Variants in KCNT2 observed in about 807,000 individuals in gnomAD.
KCNT2 encodes the protein potassium sodium-activated channel subfamily T member 2.
KCNT2 carries 67 observed loss-of-function variants against 153.8 expected under a neutral mutation model. That is an observed-to-expected ratio of 0.44 (90% CI 0.36 to 0.53). KCNT2 has a LOEUF of 0.53. Among genes scored for constraint, KCNT2 ranks in the 20% least tolerant of loss-of-function variants. The pLI, the probability that KCNT2 is intolerant of heterozygous loss-of-function variation, is 0.00. For synonymous variants in KCNT2, 500 were observed against 458.8 expected, an observed-to-expected ratio of 1.09 and a Z score of -1.15; for missense variants, 975 against 1,354.8, an observed-to-expected ratio of 0.72 and a Z score of 4.40.
rs12068827 is a variant in KCNT2 at position 196,362,563 on chromosome 1, T to C, written c.1403+10577A>G. On this transcript the variant is annotated intron_variant, in intron 14 of 27. Transcript: ENST00000294725. ...GGCAGTAAGAGAAAAAAGCATTGCT[T>C]TACCTGACATTTGCTGGCCTTTCTT... Among the ~76,000 whole-genome samples, 1,117 of 152,190 alleles carry C rather than the reference T, an allele frequency of 7.3e-3. 8 individuals carry two copies. Among genetic ancestry groups the C allele is most frequent in the African/African-American group, 0.015 (612 of 41,538 alleles).
Position 196,228,099 on chromosome 1 carries a change from A to C in KCNT2, c.*125T>G. 1 of 613,984 alleles carries C rather than the reference A, an allele frequency of 1.6e-6. No individual in the cohort carries two copies. Among genetic ancestry groups the C allele is most frequent in the East Asian group, 2.8e-5 (1 of 35,614 alleles). 38.0% of individuals were successfully genotyped at this position (613,984 alleles called of 1,614,324 possible). A position where few individuals can be genotyped will look rare whatever the true frequency, so the allele number is the denominator to read the frequency against. ...TCAAAATGATCTATACTTCTAAGAG[A>C]AGAGATTACGTTTTTAAATATGAGA... On this transcript the variant is annotated 3_prime_UTR_variant, in exon 28 of 28. Transcript: ENST00000294725.
chr1:196,425,477 A>C (rs1316994841), intron 11 of KCNT2, among the ~76,000 whole-genome samples: 1 of 151,976 alleles, frequency 6.6e-6, no homozygotes, highest in Non-Finnish European at 1.5e-5. Context: ...TATTTAGCCC[A>C]CAATTTTTAT....
At chr1:196,292,401 A>T (rs931471314) in intron 22 of KCNT2, among the ~76,000 whole-genome samples, 2 of 152,228 alleles carry the variant, frequency 1.3e-5, no homozygotes, top group African/African-American at 4.8e-5. Context: ...ATTCCTTCTA[A>T]GATCAGGGGC....
At chr1:196,281,581 T>C (rs1417597444) in intron 24 of KCNT2, among the ~76,000 whole-genome samples, 1 of 152,130 alleles carries the variant, frequency 6.6e-6, no homozygotes, top group Non-Finnish European at 1.5e-5. Flanking sequence ...AAAATTGTAG[T>C]GCCCCTTTGC....
intron 13 of KCNT2, among the ~76,000 whole-genome samples, chr1:196,383,359 T>G (rs1049775156): frequency 1.1e-4 from 17 of 152,190 alleles, no homozygotes; most frequent in African/African-American, 4.1e-4. Flanking sequence ...CCACTAATTA[T>G]GCATTTGGAT....
chr1:196,407,677 C>G (rs1671942911), intron 12 of KCNT2, among the ~76,000 whole-genome samples: 1 of 151,194 alleles, frequency 6.6e-6, no homozygotes, highest in African/African-American at 2.4e-5. Context: ...TATTTCAGCT[C>G]TTTTCTCATG....
intron 1 of KCNT2, among the ~76,000 whole-genome samples, chr1:196,511,767 C>T (rs1373300331): frequency 6.6e-6 from 1 of 152,100 alleles, no homozygotes; most frequent in East Asian, 1.9e-4. Context: ...CAAAATTACT[C>T]TTCTTACAAG....
chr1:196,424,277 G>A (rs1673458729), intron 11 of KCNT2, among the ~76,000 whole-genome samples: 1 of 151,798 alleles, frequency 6.6e-6, no homozygotes, highest in African/African-American at 2.4e-5. Flanking sequence ...AGATAAATTT[G>A]TTAGATGGAA....
At chr1:196,318,189 CCTCT>C (rs1662925112) in intron 20 of KCNT2, among the ~76,000 whole-genome samples, 2 of 151,596 alleles carry the variant, frequency 1.3e-5, no homozygotes, top group South Asian at 4.1e-4. Context: ...CCTTTCTATC[CCTCT>C]CTAAGACCCC....
rs145750484 is a variant in KCNT2 at position 196,425,818 on chromosome 1, T to C, written c.1121+34A>G. ...GAGAAAATATTAAGTCACTCAAAAC[T>C]GTAAGCTGCAAGATGAAAGGCAGGG... On this transcript the variant is annotated intron_variant, in intron 11 of 27. Transcript: ENST00000294725. 9.3e-5 allele frequency: 150 copies of C among 1,607,194 alleles called. 1 individual carries two copies. In the East Asian group the frequency reaches 3.2e-3, roughly 35 times the overall value.
intron 1 of KCNT2, among the ~76,000 whole-genome samples, chr1:196,516,867 C>A (rs1156358929): frequency 6.6e-6 from 1 of 152,154 alleles, no homozygotes; most frequent in Non-Finnish European, 1.5e-5. Flanking sequence ...CTAGAGCAGA[C>A]CCCCAGCATA....
At chr1:196,371,782 T>A (rs1262179097) in intron 14 of KCNT2, among the ~76,000 whole-genome samples, 2 of 152,042 alleles carry the variant, frequency 1.3e-5, no homozygotes, top group East Asian at 3.9e-4. Context: ...ATAAATAATA[T>A]TTACTAGGAG....
At position 196,290,566 on chromosome 1, in the gene KCNT2, G is replaced by GTA. The variant is rs746811423; in HGVS notation, c.2596-4810_2596-4809dup. 5.3e-3 allele frequency among the ~76,000 whole-genome samples: 790 copies of GTA among 149,332 alleles called. 5 individuals are homozygous for GTA. Among genetic ancestry groups the GTA allele is most frequent in the African/African-American group, 0.016 (648 of 40,704 alleles). On this transcript the variant is annotated intron_variant, in intron 22 of 27. Transcript: ENST00000294725. ...TGTGTGTGTGTGTATATGTATAGGT[G>GTA]TATATATATATATACACACACACAC... is the stretch of plus-strand genomic sequence containing the variant.
chr1:196,372,623 AT>A (rs1668632403), intron 14 of KCNT2, among the ~76,000 whole-genome samples: 1 of 151,970 alleles, frequency 6.6e-6, no homozygotes, highest in African/African-American at 2.4e-5. Flanking sequence ...TGAAATGCAT[AT>A]AAAAAGTGAT....
intron 14 of KCNT2, among the ~76,000 whole-genome samples, chr1:196,355,699 A>G (rs1247714159): frequency 2.6e-5 from 4 of 151,776 alleles, no homozygotes; most frequent in African/African-American, 7.2e-5. Context: ...AAAATACCCT[A>G]AAATTGTGTT....
intron 1 of KCNT2, among the ~76,000 whole-genome samples, chr1:196,523,525 A>G (rs1653775678): frequency 6.6e-6 from 1 of 152,186 alleles, no homozygotes; most frequent in African/African-American, 2.4e-5. Flanking sequence ...TCCAGTTACA[A>G]TTCCCTTGGT....
intron 2 of KCNT2, 96 bp downstream of exon 2, chr1:196,492,166 C>A (rs2148733348): frequency 8.5e-7 from 1 of 1,178,134 alleles, no homozygotes; most frequent in Non-Finnish European, 1.1e-6. Context: ...CAATTTTATT[C>A]CTCTATCTAA....
intron 4 of KCNT2, 126 bp downstream of exon 4, chr1:196,482,205 T>G: frequency 3.1e-6 from 2 of 643,566 alleles, no homozygotes; most frequent in Non-Finnish European, 5.5e-6. Context: ...TAGTCCAAGA[T>G]GTGCATGAAG....
intron 8 of KCNT2, among the ~76,000 whole-genome samples, chr1:196,458,607 T>A (rs1676884052): frequency 1.3e-5 from 2 of 151,982 alleles, no homozygotes; most frequent in Admixed American, 6.6e-5. Context: ...TTATTTATTC[T>A]GTGCTTCTTA....
Sources: gnomAD v4.1 joint callset for allele counts (sites outside exome capture counted in the v4.1 genomes callset) on GRCh38, gnomAD v4.1.1 for gene constraint, MANE v1.5 for transcripts, NCBI Gene and HGNC (gene_info 2026-07-23, HGNC 2026-07-21) for gene names.